The following PARD3 variants were observed in gnomAD, a reference collection of about 807,000 sequenced individuals.
PARD3 encodes the protein par-3 family cell polarity regulator, also known as partitioning defective 3 homolog.
A neutral mutation model predicts 155.4 loss-of-function variants in PARD3; 75 were observed. The ratio of observed to expected loss-of-function variants is 0.48; its 90% CI spans 0.40 to 0.58. The LOEUF (loss-of-function observed/expected upper bound fraction) is 0.58. Among genes scored for constraint, PARD3 ranks in the 20% least tolerant of loss-of-function variants. The pLI is 0.00. For synonymous variants in PARD3, 576 were observed against 610.5 expected, an observed-to-expected ratio of 0.94 and a Z score of 0.83; for missense variants, 1,642 against 1,721.7, an observed-to-expected ratio of 0.95 and a Z score of 0.82.
chr10:34,312,853 G>C (rs749517905), intron 20 of PARD3, among the ~76,000 whole-genome samples: 2 of 152,084 alleles, frequency 1.3e-5, no homozygotes, highest in African/African-American at 4.8e-5. Context: ...ATATTCAAAC[G>C]ATAACAGTTC....
intron 23 of PARD3, among the ~76,000 whole-genome samples, chr10:34,124,868 G>A (rs1947192673): frequency 2.0e-5 from 3 of 152,106 alleles, no homozygotes; most frequent in South Asian, 4.1e-4. Flanking sequence ...TTTAGTATCT[G>A]GGCTAATGGC....
At chr10:34,423,575 T>C (rs1039215309) in intron 5 of PARD3, among the ~76,000 whole-genome samples, 1 of 152,160 alleles carries the variant, frequency 6.6e-6, no homozygotes, top group Non-Finnish European at 1.5e-5. Flanking sequence ...GCACAATATA[T>C]ACATTTTTGT....
intron 3 of PARD3, among the ~76,000 whole-genome samples, chr10:34,487,638 T>C (rs1333334365): frequency 6.6e-6 from 1 of 151,360 alleles, no homozygotes; most frequent in African/African-American, 2.4e-5. Flanking sequence ...ATCCAGGTTT[T>C]ACTTTTTTTT....
intron 2 of PARD3, among the ~76,000 whole-genome samples, chr10:34,532,167 G>A (rs1218095424): frequency 1.3e-5 from 2 of 152,084 alleles, no homozygotes; most frequent in African/African-American, 4.8e-5. Context: ...TCTTGTAACA[G>A]ATTTTTGTAT....
At chr10:34,248,021 C>T (rs1022383969) in intron 22 of PARD3, among the ~76,000 whole-genome samples, 6 of 152,204 alleles carry the variant, frequency 3.9e-5, no homozygotes, top group African/African-American at 1.2e-4. Context: ...AGGTACATTC[C>T]TTTCTAGATC....
At chr10:34,355,384 G>A (rs1271990110) in intron 14 of PARD3, among the ~76,000 whole-genome samples, 1 of 152,096 alleles carries the variant, frequency 6.6e-6, no homozygotes, top group Non-Finnish European at 1.5e-5. Flanking sequence ...CAGGCAACAG[G>A]GATAGGGACA....
intron 7 of PARD3, among the ~76,000 whole-genome samples, chr10:34,392,885 C>T (rs2132103189): frequency 6.6e-6 from 1 of 152,096 alleles, no homozygotes; most frequent in East Asian, 1.9e-4. Context: ...GAATGTAAAA[C>T]CATCATGGCA....
chr10:34,624,635 C>T (rs529973695), intron 2 of PARD3, among the ~76,000 whole-genome samples: 37 of 152,338 alleles, frequency 2.4e-4, no homozygotes, highest in African/African-American at 8.9e-4. Context: ...ATTCAACTGG[C>T]TCCTCTGGGC....
chr10:34,666,985 G>A (rs1019653771), intron 2 of PARD3, among the ~76,000 whole-genome samples: 9 of 151,506 alleles, frequency 5.9e-5, no homozygotes, highest in Non-Finnish European at 8.8e-5. Context: ...CCTGGCCAAC[G>A]TGGTGAAACC....
At chr10:34,172,718 A>C (rs1169027577) in intron 22 of PARD3, among the ~76,000 whole-genome samples, 1 of 151,356 alleles carries the variant, frequency 6.6e-6, no homozygotes, top group East Asian at 1.9e-4. Flanking sequence ...TTGGCGACAA[A>C]AAACAAACAA....
At chr10:34,761,062 A>G (rs577942356) in intron 1 of PARD3, among the ~76,000 whole-genome samples, 14 of 152,280 alleles carry the variant, frequency 9.2e-5, no homozygotes, top group African/African-American at 2.9e-4. Flanking sequence ...AAATTCAACC[A>G]AAAACAAAAA....
intron 3 of PARD3, among the ~76,000 whole-genome samples, chr10:34,492,120 A>T (rs1308670470): frequency 6.6e-6 from 1 of 152,198 alleles, no homozygotes; most frequent in East Asian, 1.9e-4. Flanking sequence ...AGGGATGGTG[A>T]TCAATCTTAT....
At position 34,331,264 on chromosome 10, in the gene PARD3, C is replaced by T. The variant is rs375911014; in HGVS notation, c.2686G>A (p.Glu896Lys). 2.2e-5 allele frequency: 36 copies of T among 1,613,856 alleles called. No individual in the cohort carries two copies. Among genetic ancestry groups the T allele is most frequent in the Admixed American group, 3.3e-5 (2 of 59,978 alleles). ...GGAATATCCCCATTCAAAGTCACCT[C>T]GGCAACTGCGGTCTGCAGACTCTCC... ...SLESLQTAVA[E>K]VTLNGDIPFH... The change falls in exon 19 of 25, where the codon GAG becomes AAG. Residue 896 changes from glutamate to lysine, a missense_variant. Transcript: ENST00000374788.
chr10:34,374,073 A>G (rs1301115842), intron 11 of PARD3, among the ~76,000 whole-genome samples: 1 of 152,178 alleles, frequency 6.6e-6, no homozygotes, highest in Non-Finnish European at 1.5e-5. Flanking sequence ...TTAAAATACC[A>G]CTTGTACTTG....
At chr10:34,642,186 C>A (rs1361938563) in intron 2 of PARD3, among the ~76,000 whole-genome samples, 1 of 152,094 alleles carries the variant, frequency 6.6e-6, no homozygotes, top group African/African-American at 2.4e-5. Context: ...ACAGTCCCTG[C>A]CTTCCTGAGC....
chr10:34,641,203 T>A (rs949190187), intron 2 of PARD3, among the ~76,000 whole-genome samples: 7 of 152,272 alleles, frequency 4.6e-5, no homozygotes, highest in Admixed American at 2.6e-4. Flanking sequence ...ATTTTATAAT[T>A]AAAAGAACTC....
chr10:34,181,996 T>C (rs1351575182), intron 22 of PARD3, among the ~76,000 whole-genome samples: 2 of 152,170 alleles, frequency 1.3e-5, no homozygotes, highest in Non-Finnish European at 2.9e-5. Context: ...CAGATAAGAA[T>C]TTGTTGAATT....
chr10:34,457,851 T>C (rs1467495497), intron 4 of PARD3, among the ~76,000 whole-genome samples: 1 of 152,186 alleles, frequency 6.6e-6, no homozygotes, highest in Non-Finnish European at 1.5e-5. Flanking sequence ...TCCTCCTGCC[T>C]AAGCCTCCCA....
At chr10:34,642,006 A>G (rs1172599057) in intron 2 of PARD3, among the ~76,000 whole-genome samples, 1 of 152,102 alleles carries the variant, frequency 6.6e-6, no homozygotes, top group African/African-American at 2.4e-5. Flanking sequence ...CCCAGGGCCG[A>G]GGGGTAGCAC....
Sources: gnomAD v4.1 joint callset for allele counts (sites outside exome capture counted in the v4.1 genomes callset) on GRCh38, gnomAD v4.1.1 for gene constraint, MANE v1.5 for transcripts, NCBI Gene and HGNC (gene_info 2026-07-23, HGNC 2026-07-21) for gene names.